Variants in SOD2 observed in about 807,000 individuals in gnomAD.
The protein encoded by SOD2 is superoxide dismutase 2.
In SOD2, 11 loss-of-function variants were observed where a neutral mutation model predicts 27.0. The ratio of observed to expected loss-of-function variants is 0.41; its 90% CI spans 0.26 to 0.67. The LOEUF (loss-of-function observed/expected upper bound fraction) is 0.67, where lower values mean the gene tolerates loss of function less well. Among genes scored for constraint, SOD2 ranks in the 30% least tolerant of loss-of-function variants. SOD2 has a pLI of 0.34. For missense variants in SOD2, 250 were observed against 274.5 expected (o/e 0.91, Z 0.63); for synonymous variants, 105 against 103.0 (o/e 1.02, Z -0.12).
chr6:159,674,910 A>C lies in SOD2; in HGVS notation c.*7583T>G, dbSNP rs1188650823. On this transcript the variant is annotated 3_prime_UTR_variant, in exon 5 of 5. Transcript: ENST00000538183. The stretch of plus-strand genomic sequence containing the variant: ...CAACTTCAGCAAAATCTCAGGATAC[A>C]AAATCAATGTGCAAAAATCACAAGC... The C allele has an allele frequency of 1.3e-5, 2 of 152,374 alleles. No homozygotes were observed. The highest frequency in any genetic ancestry group is 3.9e-4 in the East Asian group (2 of 5,192). 9.4% of individuals were successfully genotyped at this position (152,374 alleles called of 1,614,324 possible).
Position 159,743,847 on chromosome 6 carries a change from A to G in SOD2, c.-116+1283T>C, listed in dbSNP as rs980464788. The G allele has an allele frequency of 2.4e-5, 36 of 1,499,324 alleles. 1 individual carries two copies. The South Asian group carries it at 4.9e-4, about 21-fold the overall frequency. 92.9% of individuals were successfully genotyped at this position (1,499,324 alleles called of 1,614,324 possible). A position where few individuals can be genotyped will look rare whatever the true frequency, so the allele number is the denominator to read the frequency against. On this transcript the variant is annotated intron_variant, in intron 1 of 3. Coordinates refer to the SOD2 transcript ENST00000537657. Reference sequence around the variant, plus strand: ...TAGTTGAGGAATTGGTTTTTAGTCCACATTATTACATGTTAATTTTAAACA... The same window carrying G: ...TAGTTGAGGAATTGGTTTTTAGTCCGCATTATTACATGTTAATTTTAAACA...
intron 1 of SOD2, among the ~76,000 whole-genome samples, chr6:159,736,991 A>G (rs1451092459): frequency 2.0e-5 from 3 of 152,222 alleles, no homozygotes; most frequent in African/African-American, 7.2e-5. Context: ...TTAAATGAAT[A>G]AAGGATTGTA....
intron 1 of SOD2, among the ~76,000 whole-genome samples, chr6:159,725,036 C>A (rs1449229841): frequency 6.6e-6 from 1 of 152,066 alleles, no homozygotes; most frequent in African/African-American, 2.4e-5. Flanking sequence ...CACACCTACA[C>A]AAAGAACCAA....
intron 1 of SOD2, among the ~76,000 whole-genome samples, chr6:159,758,436 C>T (rs1171037811): frequency 6.6e-6 from 1 of 152,158 alleles, no homozygotes; most frequent in Non-Finnish European, 1.5e-5. Context: ...GTATTGGATA[C>T]AACTGACTAC....
upstream of SOD2, among the ~76,000 whole-genome samples, chr6:159,728,426 A>AAAC (rs376685808): frequency 5.0e-4 from 66 of 133,288 alleles, no homozygotes; most frequent in South Asian, 2.7e-3. Flanking sequence ...AAAACAAAAC[A>AAAC]AAACAAAAAA....
chr6:159,680,584 G>GA lies in SOD2; in HGVS notation c.*1908dup, dbSNP rs995947581. The GA allele has an allele frequency of 6.6e-6, 1 of 151,488 alleles. No homozygotes were observed. 9.4% of individuals were successfully genotyped at this position (151,488 alleles called of 1,614,324 possible). A position where few individuals can be genotyped will look rare whatever the true frequency, so the allele number is the denominator to read the frequency against. On this transcript the variant is annotated 3_prime_UTR_variant, in exon 5 of 5. Coordinates refer to ENST00000538183, the MANE Select transcript of SOD2 (RefSeq NM_000636.4). ...AAAAAAATAGAAAAATAAACTTGGG[G>GA]AAAAAATTAAAAATAAAAAATAAAC... is the stretch of plus-strand genomic sequence containing the variant.
chr6:159,752,182 C>G (rs147136706), intron 1 of SOD2, among the ~76,000 whole-genome samples: 2,811 of 152,134 alleles, frequency 0.018, 158 homozygotes, highest in Admixed American at 0.11. Context: ...GTGTATCAGG[C>G]AAGTGAAAGC....
chr6:159,731,815 T>C (rs1275175477), upstream of SOD2, among the ~76,000 whole-genome samples: 1 of 152,240 alleles, frequency 6.6e-6, no homozygotes, highest in Non-Finnish European at 1.5e-5. Context: ...ATTTGCAAAG[T>C]TGACAACCTG....
chr6:159,761,918 C>G (rs1226773764), exon 1 of SOD2: 2 of 710,200 alleles, frequency 2.8e-6, no homozygotes, highest in Non-Finnish European at 4.4e-6. Flanking sequence ...GCCCCTGCTC[C>G]GGCCTTGCGC....
At chr6:159,745,624 G>A (rs1443037130), upstream of SOD2, among the ~76,000 whole-genome samples, 1 of 152,110 alleles carries the variant, frequency 6.6e-6, no homozygotes, top group African/African-American at 2.4e-5. Context: ...AAAAGATGAG[G>A]TCAGCCTGGA....
At chr6:159,741,320 TAC>T (rs551134646) in intron 1 of SOD2, among the ~76,000 whole-genome samples, 100 of 152,336 alleles carry the variant, frequency 6.6e-4, no homozygotes, top group Non-Finnish European at 1.2e-3. Context: ...ATTGTTAAAT[TAC>T]AGTCTTGAAA....
In SOD2 at chr6:159,673,443, T is replaced by G. The variant is rs1180903061; in HGVS notation, c.*9050A>C. 2.6e-5 allele frequency: 4 copies of G among 151,972 alleles called. No homozygotes were observed. The highest frequency in any genetic ancestry group is 9.7e-5 in the African/African-American group (4 of 41,350). 9.4% of individuals were successfully genotyped at this position (151,972 alleles called of 1,614,324 possible). A position where few individuals can be genotyped will look rare whatever the true frequency, so the allele number is the denominator to read the frequency against. On this transcript the variant is annotated 3_prime_UTR_variant, in exon 5 of 5. Transcript: ENST00000538183. Reference sequence around the variant, plus strand: ...AAACTAGAACTCAGGATTAAGAAACTCACTCAAAACCACTCAGCTACATGG... The same window carrying G: ...AAACTAGAACTCAGGATTAAGAAACGCACTCAAAACCACTCAGCTACATGG...
At chr6:159,722,281 T>C (rs1277315577) in intron 1 of SOD2, among the ~76,000 whole-genome samples, 3 of 151,968 alleles carry the variant, frequency 2.0e-5, no homozygotes, top group Non-Finnish European at 4.4e-5. Context: ...TCCCAGCTTC[T>C]GACGAGGCAC....
In SOD2 at chr6:159,692,777, G is replaced by T; in HGVS notation, c.110C>A (p.Ala37Asp). ...SLPDLPYDYG[A>D]LEPHINAQIM... The stretch of plus-strand genomic sequence containing the variant: ...CTGCGCGTTGATGTGAGGTTCCAGG[G>T]CGCCGTAGTCGTAGGGCAGGTCGGG... Residue 37 changes from alanine to aspartate, a missense_variant, in exon 2 of 5, where the codon GCC becomes GAC. By Grantham distance (126) the Ala-to-Asp change is moderately radical. Transcript: ENST00000538183. The T allele has an allele frequency of 6.2e-7, 1 of 1,614,174 alleles. No individual in the cohort carries two copies. The highest frequency in any genetic ancestry group is 8.5e-7 in the Non-Finnish European group (1 of 1,180,024).
chr6:159,718,475 C>T (rs1777965140), intron 1 of SOD2, among the ~76,000 whole-genome samples: 1 of 151,964 alleles, frequency 6.6e-6, no homozygotes, highest in Non-Finnish European at 1.5e-5. Context: ...TAACAATCTA[C>T]TGAATTATTT....
In SOD2 at chr6:159,673,133, C is replaced by T. The variant is rs987774539; in HGVS notation, c.*9360G>A. 1.8e-4 allele frequency: 27 copies of T among 152,280 alleles called. No individual in the cohort carries two copies. The highest frequency in any genetic ancestry group is 6.5e-4 in the African/African-American group (27 of 41,552). 9.4% of individuals were successfully genotyped at this position (152,280 alleles called of 1,614,324 possible). On this transcript the variant is annotated 3_prime_UTR_variant, in exon 5 of 5. Coordinates refer to ENST00000538183, the MANE Select transcript of SOD2 (RefSeq NM_000636.4). ...AGAGACCTACAAAGAGATTTAGACTCCCACACAATAACAATGGGAGACTCT... is the reference window on the plus strand; with the variant it reads ...AGAGACCTACAAAGAGATTTAGACTTCCACACAATAACAATGGGAGACTCT...
upstream of SOD2, chr6:159,749,134 T>C (rs2114948608): frequency 7.1e-6 from 7 of 986,162 alleles, no homozygotes; most frequent in Non-Finnish European, 8.4e-6. Flanking sequence ...CTGTAGATAA[T>C]CTTACTGAGG....
intron 1 of SOD2, among the ~76,000 whole-genome samples, chr6:159,754,445 C>T (rs1301792765): frequency 6.6e-6 from 1 of 152,108 alleles, no homozygotes; most frequent in Non-Finnish European, 1.5e-5. Flanking sequence ...CATAGGTAAA[C>T]GTGAGTCAAA....
At chr6:159,749,023 C>A (rs1347404899), upstream of SOD2, 2 of 1,001,668 alleles carry the variant, frequency 2.0e-6, no homozygotes, top group Non-Finnish European at 2.4e-6. Context: ...GTACAAGTAG[C>A]GCATATATTT....
Sources: allele counts gnomAD v4.1 joint callset (sites outside exome capture counted in the v4.1 genomes callset), GRCh38; gene constraint gnomAD v4.1.1; transcripts MANE v1.5; gene names NCBI Gene and HGNC (gene_info 2026-07-23, HGNC 2026-07-21).